TSPAN32: variants seen among roughly 807,000 people sequenced by gnomAD.
TSPAN32 encodes tetraspanin 32.
Under a neutral mutation model 42.7 loss-of-function variants are expected in TSPAN32, and 47 were observed. That is an observed-to-expected ratio of 1.10 (90% CI 0.87 to 1.40). The LOEUF is 1.40. Among genes scored for constraint, TSPAN32 ranks in the 40% most tolerant of loss-of-function variants. TSPAN32 has a pLI of 0.00. For missense variants in TSPAN32, 469 were observed against 424.1 expected, an observed-to-expected ratio of 1.11 and a Z score of -0.93; for synonymous variants, 175 against 175.9, an observed-to-expected ratio of 0.99 and a Z score of 0.04.
In TSPAN32 at chr11:2,304,040, C is replaced by T. The variant is rs1847921912; in HGVS notation, c.182-67C>T. 7.9e-7 allele frequency: 1 copy of T among 1,269,506 alleles called. No individual in the cohort carries two copies. The highest frequency in any genetic ancestry group is 2.0e-5 in the Admixed American group (1 of 49,968). The allele number at this position is 1,269,506 out of a possible 1,614,324, so 78.6% of individuals were successfully genotyped here. A position where few individuals can be genotyped will look rare whatever the true frequency, so the allele number is the denominator to read the frequency against. ...CTGACTCCCAAGTTAGATTTCACAC[C>T]CAGGCTGTGTGCACTCAGGACCTGT... On this transcript the variant is annotated intron_variant, in intron 2 of 9. Transcript: ENST00000182290. The surrounding 1 kb of genome is among the most constrained non-coding windows in gnomAD (Gnocchi z 4.8).
chr11:2,314,825 C>A lies in TSPAN32; in HGVS notation c.543+254C>A, dbSNP rs994813979. 7.5e-6 allele frequency: 4 copies of A among 532,208 alleles called. No individual in the cohort carries two copies. The African/African-American group carries it at 7.6e-5, about 10-fold the overall frequency. 33.0% of individuals were successfully genotyped at this position (532,208 alleles called of 1,614,324 possible). A position where few individuals can be genotyped will look rare whatever the true frequency, so the allele number is the denominator to read the frequency against. On this transcript the variant is annotated intron_variant, in intron 6 of 9. Coordinates refer to ENST00000182290, the MANE Select transcript of TSPAN32 (RefSeq NM_139022.3). ...ACAGGCCCCTTTGCCCAGCTGGACG[C>A]AGGCCCCATGCGCCATTCACTCCTT...
intron 4 of TSPAN32, among the ~76,000 whole-genome samples, chr11:2,309,838 G>A (rs567457738): frequency 3.0e-4 from 45 of 152,224 alleles, no homozygotes; most frequent in African/African-American, 9.6e-4. Flanking sequence ...CTCTGGGGGT[G>A]GGGGGAGCTC....
chr11:2,317,759 C>T lies in TSPAN32; in HGVS notation c.902-104C>T. On this transcript the variant is annotated intron_variant, in intron 9 of 9. Coordinates refer to ENST00000182290, the MANE Select transcript of TSPAN32 (RefSeq NM_139022.3). The surrounding 1 kb of genome is among the most constrained non-coding windows in gnomAD (Gnocchi z 6.2). ...ACTGCAAGACACTGGTGGCCCACGGCCTGGAGGGCTCCACCCAGACACAAG... is the reference window on the plus strand; with the variant it reads ...ACTGCAAGACACTGGTGGCCCACGGTCTGGAGGGCTCCACCCAGACACAAG... The T allele has an allele frequency of 5.2e-6, 8 of 1,541,310 alleles. No individual in the cohort carries two copies. In the South Asian group the frequency reaches 9.5e-5, roughly 18 times the overall value.
chr11:2,315,480 G>C (rs1475645705), intron 6 of TSPAN32: 4 of 1,134,308 alleles, frequency 3.5e-6, no homozygotes, highest in Admixed American at 4.4e-5. Context: ...GGCCTGCCTC[G>C]AGCACCCTTG....
rs1025404782 is a variant in TSPAN32, at chr11:2,304,587, G to C, written c.279+383G>C. The stretch of plus-strand genomic sequence containing the variant: ...TGGTTCTATTGCCCAGCAAGCTCTG[G>C]GAGGGCACTGGGAGCATCCCATTTC... On this transcript the variant is annotated intron_variant, in intron 3 of 9. Coordinates refer to ENST00000182290, the MANE Select transcript of TSPAN32 (RefSeq NM_139022.3). The surrounding 1 kb of genome is among the most constrained non-coding windows in gnomAD (Gnocchi z 4.8). Among the ~76,000 whole-genome samples, 1 of 152,000 alleles carries C rather than the reference G, an allele frequency of 6.6e-6. No individual in the cohort carries two copies. Among genetic ancestry groups the C allele is most frequent in the Non-Finnish European group, 1.5e-5 (1 of 67,996 alleles).
chr11:2,312,873 G>C (rs572910402), intron 4 of TSPAN32, among the ~76,000 whole-genome samples: 190 of 152,324 alleles, frequency 1.2e-3, no homozygotes, highest in African/African-American at 4.5e-3. Flanking sequence ...ACCTCAAAGA[G>C]GGCCTCGCCC....
At position 2,316,656 on chromosome 11, in the gene TSPAN32, C is replaced by T. The variant is rs1260347803; in HGVS notation, c.708C>T (p.Thr236=). ...GCSLDRKGKY[T]LTPRACGRQP... Reference sequence around the variant, plus strand: ...GCTTGGACCGCAAGGGCAAATACACCCTGACCCCACGGTAGGGCCCCCTGC... The same window carrying T: ...GCTTGGACCGCAAGGGCAAATACACTCTGACCCCACGGTAGGGCCCCCTGC... The change falls in exon 8 of 10, where the codon ACC becomes ACT. Residue 236 remains threonine (T), a synonymous_variant. Transcript: ENST00000182290. 3.9e-6 allele frequency: 6 copies of T among 1,531,120 alleles called. No individual in the cohort carries two copies. Among genetic ancestry groups the T allele is most frequent in the Non-Finnish European group, 5.3e-6 (6 of 1,137,672 alleles). The allele number at this position is 1,531,120 out of a possible 1,614,324, so 94.8% of individuals were successfully genotyped here. A position where few individuals can be genotyped will look rare whatever the true frequency, so the allele number is the denominator to read the frequency against.
chr11:2,309,279 G>T, intron 4 of TSPAN32: 1 of 454,632 alleles, frequency 2.2e-6, no homozygotes. Context: ...CTGGAGACCC[G>T]CGGACTGGGG....
At chr11:2,308,896 G>C in intron 4 of TSPAN32, 86 bp downstream of exon 4, 1 of 912,530 alleles carries the variant, frequency 1.1e-6, no homozygotes, top group Non-Finnish European at 1.7e-6. Context: ...GTCCTGGGAG[G>C]AGCAGCCCCA....
In TSPAN32 at chr11:2,304,647, G is replaced by A. The variant is rs569408726; in HGVS notation, c.279+443G>A. On this transcript the variant is annotated intron_variant, in intron 3 of 9. Coordinates refer to ENST00000182290, the MANE Select transcript of TSPAN32 (RefSeq NM_139022.3). The surrounding 1 kb of genome is among the most constrained non-coding windows in gnomAD (Gnocchi z 4.8). ...GGAGGCCGGGCCAGGCTCAGGAAAC[G>A]CCCCTTGAGCTCTCCAGCCTGGGCT... 5.3e-5 allele frequency among the ~76,000 whole-genome samples: 8 copies of A among 152,000 alleles called. No homozygotes were observed. Among genetic ancestry groups the A allele is most frequent in the African/African-American group, 1.2e-4 (5 of 41,368 alleles).
At chr11:2,312,135 A>G (rs537080124) in intron 4 of TSPAN32, among the ~76,000 whole-genome samples, 4 of 152,314 alleles carry the variant, frequency 2.6e-5, no homozygotes, top group Admixed American at 2.6e-4. Context: ...ATGCTGTGGT[A>G]ATAATGACAC....
At position 2,304,174 on chromosome 11, in the gene TSPAN32, C is replaced by T. The variant is rs1002836093; in HGVS notation, c.249C>T (p.Thr83=). ...GAGCCGTGCTGAGCGCTGCAGCCAC[C>T]GTGAGGGAGGCCCAGGGCCTCATGG... is the stretch of plus-strand genomic sequence containing the variant. ...TLGAVLSAAA[T]VREAQGLMAG... is the part of the protein sequence containing the mutation. The change falls in exon 3 of 10, where the codon ACC becomes ACT. Residue 83 remains threonine (T), a synonymous_variant. Transcript: ENST00000182290. This position sits in a 1 kb window ranked among gnomAD's most constrained non-coding sequence, Gnocchi z 4.8. 37 of 1,585,700 alleles carry T rather than the reference C, an allele frequency of 2.3e-5. No individual in the cohort carries two copies. Among genetic ancestry groups the T allele is most frequent in the Non-Finnish European group, 3.0e-5 (35 of 1,166,382 alleles).
chr11:2,312,931 G>A (rs1031703546), intron 4 of TSPAN32, among the ~76,000 whole-genome samples: 2 of 152,218 alleles, frequency 1.3e-5, no homozygotes, highest in African/African-American at 4.8e-5. Flanking sequence ...AAGCCTTCCT[G>A]TAGGAGGCGA....
intron 4 of TSPAN32, among the ~76,000 whole-genome samples, chr11:2,312,619 C>T (rs1171752760): frequency 1.3e-5 from 2 of 152,238 alleles, no homozygotes; most frequent in Non-Finnish European, 2.9e-5. Context: ...CCACTGCCCG[C>T]CCAGTTGGCC....
At chr11:2,311,207 G>T (rs1353805799) in intron 4 of TSPAN32, among the ~76,000 whole-genome samples, 2 of 152,112 alleles carry the variant, frequency 1.3e-5, no homozygotes, top group Non-Finnish European at 2.9e-5. Context: ...ACATGCCCTT[G>T]GTGGTGCCCT....
chr11:2,313,767 G>T lies in TSPAN32; in HGVS notation c.456+12G>T. The T allele has an allele frequency of 6.3e-7, 1 of 1,578,144 alleles. No homozygotes were observed. The highest frequency in any genetic ancestry group is 1.2e-5 in the South Asian group (1 of 86,684). On this transcript the variant is annotated intron_variant, in intron 5 of 9. Transcript: ENST00000182290. This position sits in a 1 kb window ranked among gnomAD's most constrained non-coding sequence, Gnocchi z 9.1. ...CCATCCAGGACGTGGTGAGCGTGGGGACGGCTGGGTGGCAGGGCGGTCAGC... is the reference window on the plus strand; with the variant it reads ...CCATCCAGGACGTGGTGAGCGTGGGTACGGCTGGGTGGCAGGGCGGTCAGC...
chr11:2,306,944 GAGA>G (rs772853773), intron 3 of TSPAN32: 56,778 of 109,882 alleles, frequency 0.52, 15,249 homozygotes, highest in African/African-American at 0.56. Context: ...GGGGAAGGAG[GAGA>G]AGGAGGAGGG....
chr11:2,302,700 G>A (rs552637683), intron 1 of TSPAN32, 144 bp from the exon 2 acceptor site: 19 of 681,616 alleles, frequency 2.8e-5, no homozygotes, highest in Non-Finnish European at 4.0e-5. Flanking sequence ...ACCACTCCAC[G>A]GAAACACCGG....
At chr11:2,308,847 C>G (rs2234297) in intron 4 of TSPAN32, 37 bp downstream of exon 4, 1,186,370 of 1,428,952 alleles carry the variant, frequency 0.83, 505,581 homozygotes, top group Non-Finnish European at 0.89. Context: ...AGTGGAGGGT[C>G]CCCCAGTAAG....
Sources: allele counts gnomAD v4.1 joint callset (sites outside exome capture counted in the v4.1 genomes callset), GRCh38; gene constraint gnomAD v4.1.1; non-coding constraint Gnocchi (gnomAD v3.1); transcripts MANE v1.5; gene names NCBI Gene and HGNC (gene_info 2026-07-23, HGNC 2026-07-21).